Variants in CFAP299 observed in about 807,000 individuals in gnomAD.
The protein encoded by CFAP299 is cilia and flagella associated protein 299, also known as cilia- and flagella-associated protein 299.
A neutral mutation model predicts 27.0 loss-of-function variants in CFAP299; 21 were observed. The observed-to-expected ratio is 0.78, with a 90% CI of 0.55 to 1.12. CFAP299 has a LOEUF of 1.12. Ranked by LOEUF, CFAP299 falls within the 50% of genes most tolerant of loss-of-function variation. The pLI, the probability that CFAP299 is intolerant of heterozygous loss-of-function variation, is 0.00. For missense variants in CFAP299, 310 were observed against 276.6 expected, an observed-to-expected ratio of 1.12 and a Z score of -0.86; for synonymous variants, 104 against 98.1, an observed-to-expected ratio of 1.06 and a Z score of -0.36.
intron 2 of CFAP299, among the ~76,000 whole-genome samples, chr4:80,449,382 TTTTC>T (rs1341817724): frequency 1.3e-5 from 2 of 152,110 alleles, no homozygotes; most frequent in East Asian, 1.9e-4. Context: ...AACAGAACTA[TTTTC>T]TTTATTATCT....
At chr4:80,949,472 T>G (rs1265996840) in intron 5 of CFAP299, among the ~76,000 whole-genome samples, 1 of 151,386 alleles carries the variant, frequency 6.6e-6, no homozygotes, top group Non-Finnish European at 1.5e-5. Context: ...TAGTGGGGAC[T>G]TAAAGGATGA....
At chr4:80,753,033 A>T (rs1031613943) in intron 3 of CFAP299, among the ~76,000 whole-genome samples, 11 of 151,336 alleles carry the variant, frequency 7.3e-5, no homozygotes, top group Non-Finnish European at 1.5e-4. Flanking sequence ...TGCAAATATT[A>T]AAAAAAAACT....
chr4:80,693,940 T>C (rs1391893321), intron 3 of CFAP299, among the ~76,000 whole-genome samples: 1 of 152,168 alleles, frequency 6.6e-6, no homozygotes, highest in Non-Finnish European at 1.5e-5. Flanking sequence ...ATTGCCCTTA[T>C]GACTTTCATA....
intron 3 of CFAP299, among the ~76,000 whole-genome samples, chr4:80,727,415 T>C (rs1723224879): frequency 6.6e-6 from 1 of 152,102 alleles, no homozygotes; most frequent in South Asian, 2.1e-4. Flanking sequence ...CTATAGAATA[T>C]AAATTGTTTT....
chr4:80,440,616 A>T (rs146771013), intron 2 of CFAP299, among the ~76,000 whole-genome samples: 2,506 of 152,348 alleles, frequency 0.016, 64 homozygotes, highest in African/African-American at 0.055. Flanking sequence ...CAGTGCAAAA[A>T]TGCTGAAAAT....
intron 3 of CFAP299, among the ~76,000 whole-genome samples, chr4:80,594,985 T>C (rs933176756): frequency 3.9e-5 from 6 of 152,188 alleles, no homozygotes; most frequent in Non-Finnish European, 5.9e-5. Context: ...CCTTGCTTTT[T>C]GGCACCAAGT....
intron 2 of CFAP299, among the ~76,000 whole-genome samples, chr4:80,512,436 A>C (rs1430836052): frequency 3.3e-5 from 5 of 152,136 alleles, no homozygotes; most frequent in Admixed American, 3.3e-4. Flanking sequence ...CTTATGAAGC[A>C]CATATGGAAA....
chr4:80,438,778 G>A (rs1258775890), intron 2 of CFAP299, among the ~76,000 whole-genome samples: 2 of 152,158 alleles, frequency 1.3e-5, no homozygotes, highest in South Asian at 2.1e-4. Context: ...TATTGTACTA[G>A]TAAGAGAGAG....
chr4:80,565,414 T>A (rs1735229295), intron 2 of CFAP299, among the ~76,000 whole-genome samples: 1 of 151,950 alleles, frequency 6.6e-6, no homozygotes, highest in African/African-American at 2.4e-5. Context: ...TTAAAAACAA[T>A]ATGAACAGTT....
chr4:80,808,021 G>A (rs1451406996), intron 3 of CFAP299, among the ~76,000 whole-genome samples: 1 of 141,966 alleles, frequency 7.0e-6, no homozygotes, highest in Non-Finnish European at 1.5e-5. Flanking sequence ...AACACTATTA[G>A]TGAAGAGTTA....
chr4:80,426,750 T>G (rs955562153), intron 2 of CFAP299, among the ~76,000 whole-genome samples: 3 of 152,206 alleles, frequency 2.0e-5, no homozygotes, highest in Admixed American at 2.0e-4. Context: ...CTGAGTTAGA[T>G]TCTTGGTTTC....
rs539245717 is a variant in CFAP299, at chr4:80,801,185, G to T, written c.334-68808G>T. On this transcript the variant is annotated intron_variant, in intron 3 of 5. Transcript: ENST00000358105. ...ACTCAGTACTGACCATCACACTATG[G>T]TTTTTTTTTTTTTAACCTTTTGAAC... Among the ~76,000 whole-genome samples, 6 of 140,408 alleles carry T rather than the reference G, an allele frequency of 4.3e-5. 1 individual carries two copies. The South Asian group carries it at 6.8e-4, about 16-fold the overall frequency. The allele number at this position is 140,408 out of a possible 152,430, so 92.1% of individuals were successfully genotyped here. A position where few individuals can be genotyped will look rare whatever the true frequency, so the allele number is the denominator to read the frequency against.
At chr4:80,890,059 A>T (rs746473408) in intron 4 of CFAP299, among the ~76,000 whole-genome samples, 1 of 152,090 alleles carries the variant, frequency 6.6e-6, no homozygotes, top group African/African-American at 2.4e-5. Context: ...CTTCCCTCTT[A>T]TATCAGGAAC....
chr4:80,450,592 T>C (rs1728852632), intron 2 of CFAP299, among the ~76,000 whole-genome samples: 1 of 151,976 alleles, frequency 6.6e-6, no homozygotes, highest in Non-Finnish European at 1.5e-5. Context: ...GTTAGGTTAG[T>C]TTAGGTTGCA....
At chr4:80,756,576 A>C (rs1725250964) in intron 3 of CFAP299, among the ~76,000 whole-genome samples, 1 of 152,172 alleles carries the variant, frequency 6.6e-6, no homozygotes, top group Non-Finnish European at 1.5e-5. Flanking sequence ...AAACAAAAAC[A>C]AAAGAATAAC....
chr4:80,652,439 G>A (rs1740348469), intron 3 of CFAP299, among the ~76,000 whole-genome samples: 1 of 151,996 alleles, frequency 6.6e-6, no homozygotes, highest in African/African-American at 2.4e-5. Context: ...GTGTAATCAG[G>A]GAGTGTAAAT....
chr4:80,690,499 A>G (rs1448957037), intron 3 of CFAP299, among the ~76,000 whole-genome samples: 1 of 151,986 alleles, frequency 6.6e-6, no homozygotes, highest in Non-Finnish European at 1.5e-5. Context: ...AACCAACGAG[A>G]ACAAAGACAC....
At chr4:80,665,639 C>G (rs1356580338) in intron 3 of CFAP299, among the ~76,000 whole-genome samples, 1 of 151,936 alleles carries the variant, frequency 6.6e-6, no homozygotes, top group African/African-American at 2.4e-5. Flanking sequence ...TGTTTTTGAA[C>G]AAAAGGAAAA....
intron 3 of CFAP299, among the ~76,000 whole-genome samples, chr4:80,796,909 A>G (rs1454423163): frequency 2.0e-5 from 3 of 152,192 alleles, no homozygotes; most frequent in Non-Finnish European, 4.4e-5. Flanking sequence ...GCATTCTGTC[A>G]TCTGCTAAGT....
Sources: gnomAD v4.1 joint callset for allele counts (sites outside exome capture counted in the v4.1 genomes callset) on GRCh38, gnomAD v4.1.1 for gene constraint, MANE v1.5 for transcripts, NCBI Gene and HGNC (gene_info 2026-07-23, HGNC 2026-07-21) for gene names.